The following TANGO6 variants were observed in gnomAD, a reference collection of about 807,000 sequenced individuals.
The protein encoded by TANGO6 is transport and Golgi organization protein 6 homolog.
TANGO6 carries 90 observed loss-of-function variants against 114.2 expected under a neutral mutation model. That is an observed-to-expected ratio of 0.79 (90% CI 0.66 to 0.94). The LOEUF (loss-of-function observed/expected upper bound fraction) is 0.94. Among genes scored for constraint, TANGO6 ranks in the 40% least tolerant of loss-of-function variants. The pLI is 0.00. For synonymous variants in TANGO6, 477 were observed against 509.8 expected (o/e 0.94, Z 0.87); for missense variants, 1,274 against 1,315.3 (o/e 0.97, Z 0.49).
chr16:68,848,754 G>C (rs577898004), intron 1 of TANGO6, among the ~76,000 whole-genome samples: 3 of 152,158 alleles, frequency 2.0e-5, no homozygotes, highest in African/African-American at 7.2e-5. Flanking sequence ...CCAATGAAGT[G>C]ATCTTTTTTG....
chr16:68,863,438 C>T (rs1962130560), intron 3 of TANGO6, among the ~76,000 whole-genome samples: 1 of 152,072 alleles, frequency 6.6e-6, no homozygotes, highest in African/African-American at 2.4e-5. Flanking sequence ...AACCCTGTCT[C>T]TACTAACAAT....
At chr16:68,998,868 G>T (rs1224817114) in intron 15 of TANGO6, among the ~76,000 whole-genome samples, 3 of 151,644 alleles carry the variant, frequency 2.0e-5, no homozygotes, top group Non-Finnish European at 2.9e-5. Context: ...ATGAAACATT[G>T]TTCCATAGGA....
rs777844979 is a variant in TANGO6, at chr16:68,927,756, G to A, written c.2316G>A (p.Leu772=). Residue 772 remains leucine (L), a synonymous_variant, in exon 13 of 18, where the codon CTG becomes CTA. Transcript: ENST00000261778. ...AAQSTLNRKD[L]EGKIEEQQQT... ...AAAGTACACTGAACAGAAAAGATCT[G>A]GAAGGGAAAATAGAAGAGCAGCAAC... is the stretch of plus-strand genomic sequence containing the variant. 1 of 1,613,944 alleles carries A rather than the reference G, an allele frequency of 6.2e-7. No individual in the cohort carries two copies. Among genetic ancestry groups the A allele is most frequent in the East Asian group, 2.2e-5 (1 of 44,888 alleles).
chr16:68,860,827 G>A (rs1442623072), intron 2 of TANGO6, among the ~76,000 whole-genome samples: 1 of 152,118 alleles, frequency 6.6e-6, no homozygotes, highest in East Asian at 1.9e-4. Context: ...CATAATACCT[G>A]CCTCGGAAGG....
intron 1 of TANGO6, among the ~76,000 whole-genome samples, chr16:68,849,433 T>G (rs899353180): frequency 6.6e-6 from 1 of 151,948 alleles, no homozygotes; most frequent in Non-Finnish European, 1.5e-5. Flanking sequence ...GCCCAGGAGT[T>G]CAAGACTACC....
intron 7 of TANGO6, among the ~76,000 whole-genome samples, chr16:68,885,141 A>G (rs1304041102): frequency 2.0e-5 from 3 of 152,256 alleles, no homozygotes; most frequent in Non-Finnish European, 2.9e-5. Flanking sequence ...GCAGGAAATA[A>G]GGAAAATATC....
intron 12 of TANGO6, among the ~76,000 whole-genome samples, chr16:68,924,771 CAA>C (rs1963144804): frequency 6.7e-6 from 1 of 148,858 alleles, no homozygotes; most frequent in Non-Finnish European, 1.5e-5. Context: ...GCCTGGGTGA[CAA>C]GAGCAAAATT....
At chr16:69,001,223 A>G (rs899096971) in intron 15 of TANGO6, among the ~76,000 whole-genome samples, 3 of 152,136 alleles carry the variant, frequency 2.0e-5, no homozygotes, top group Non-Finnish European at 4.4e-5. Flanking sequence ...CTCACCCTCT[A>G]TGTTCCCAGG....
chr16:68,868,920 A>G (rs1962223305), intron 4 of TANGO6, among the ~76,000 whole-genome samples: 1 of 152,128 alleles, frequency 6.6e-6, no homozygotes, highest in Non-Finnish European at 1.5e-5. Flanking sequence ...CATTCCCCCA[A>G]GTACATTTTT....
intron 14 of TANGO6, among the ~76,000 whole-genome samples, chr16:68,931,821 G>A (rs549292912): frequency 6.6e-6 from 1 of 152,218 alleles, no homozygotes; most frequent in South Asian, 2.1e-4. Context: ...CCAGATTCTT[G>A]CACAGCTCTG....
intron 11 of TANGO6, among the ~76,000 whole-genome samples, chr16:68,909,894 T>C (rs1177770997): frequency 6.6e-6 from 1 of 152,154 alleles, no homozygotes; most frequent in Admixed American, 6.6e-5. Context: ...TTGAATTTCA[T>C]TATGGGTCCT....
At chr16:68,870,627 A>G (rs57425280) in intron 4 of TANGO6, among the ~76,000 whole-genome samples, 9 of 152,010 alleles carry the variant, frequency 5.9e-5, no homozygotes, top group Admixed American at 1.3e-4. Flanking sequence ...GTTGTTATCT[A>G]TTCATACCTT....
rs543238490 is a variant in TANGO6, at chr16:69,059,495, C to T, written c.3108+19074C>T. On this transcript the variant is annotated intron_variant, in intron 17 of 17. Transcript: ENST00000261778. ...TTCTGGGATTAAAGGCGTGAGCCACCGCGCCTGGCCACTTTTCTTTTTTCT... is the reference window on the plus strand; with the variant it reads ...TTCTGGGATTAAAGGCGTGAGCCACTGCGCCTGGCCACTTTTCTTTTTTCT... Among the ~76,000 whole-genome samples, 14 of 151,996 alleles carry T rather than the reference C, an allele frequency of 9.2e-5. No individual in the cohort carries two copies. The East Asian group carries it at 1.2e-3, about 13-fold the overall frequency.
intron 1 of TANGO6, among the ~76,000 whole-genome samples, chr16:68,859,624 A>T (rs1190114856): frequency 2.0e-5 from 3 of 152,198 alleles, no homozygotes; most frequent in Admixed American, 2.0e-4. Flanking sequence ...CCCTAAAAAC[A>T]TGTGGGGAAT....
At chr16:69,006,784 A>G (rs1964095502) in intron 15 of TANGO6, among the ~76,000 whole-genome samples, 1 of 152,158 alleles carries the variant, frequency 6.6e-6, no homozygotes, top group Non-Finnish European at 1.5e-5. Flanking sequence ...AAACTTATTG[A>G]AATAGAATTC....
At chr16:68,902,546 C>G (rs758954038) in intron 9 of TANGO6, 42 bp downstream of exon 9, 2 of 1,514,276 alleles carry the variant, frequency 1.3e-6, no homozygotes, top group South Asian at 1.3e-5. Context: ...AGATTTAGTT[C>G]CGCCCAAAAG....
At chr16:69,032,615 AC>A (rs1163564786) in intron 16 of TANGO6, among the ~76,000 whole-genome samples, 1 of 152,090 alleles carries the variant, frequency 6.6e-6, no homozygotes, top group Non-Finnish European at 1.5e-5. Flanking sequence ...ATGGTGGCTC[AC>A]ACCTGTAATC....
At chr16:68,886,570 A>G (rs1352647014) in intron 7 of TANGO6, among the ~76,000 whole-genome samples, 1 of 151,664 alleles carries the variant, frequency 6.6e-6, no homozygotes, top group Non-Finnish European at 1.5e-5. Context: ...GTGCAATGGC[A>G]TGATCTCAGC....
chr16:68,847,845 C>T (rs1425729769), intron 1 of TANGO6, among the ~76,000 whole-genome samples: 1 of 151,892 alleles, frequency 6.6e-6, no homozygotes, highest in Admixed American at 6.6e-5. Context: ...ACTAAAAATA[C>T]AAAAATTAGC....
Sources: allele counts gnomAD v4.1 joint callset (sites outside exome capture counted in the v4.1 genomes callset), GRCh38; gene constraint gnomAD v4.1.1; transcripts MANE v1.5; gene names NCBI Gene and HGNC (gene_info 2026-07-23, HGNC 2026-07-21).